DCDC2B: variants seen among roughly 807,000 people sequenced by gnomAD.
The protein encoded by DCDC2B is doublecortin domain-containing protein 2B.
Under a neutral mutation model 38.9 loss-of-function variants are expected in DCDC2B, and 41 were observed. The ratio of observed to expected loss-of-function variants is 1.05; its 90% CI spans 0.82 to 1.37. The LOEUF is 1.37. Ranked by LOEUF, DCDC2B falls within the 40% of genes most tolerant of loss-of-function variation. The pLI is 0.00. For missense variants in DCDC2B, 453 were observed against 427.2 expected (o/e 1.06, Z -0.53); for synonymous variants, 181 against 171.9 (o/e 1.05, Z -0.41).
chr1:32,211,212 T>C, intron 1 of DCDC2B, 60 bp from the exon 2 acceptor site: 1 of 1,509,016 alleles, frequency 6.6e-7, no homozygotes, highest in Non-Finnish European at 9.2e-7. Flanking sequence ...CACTGACATC[T>C]GCCAGGCTAT....
intron 1 of DCDC2B, among the ~76,000 whole-genome samples, chr1:32,210,447 G>A (rs1643537736): frequency 6.6e-6 from 1 of 151,460 alleles, no homozygotes. Flanking sequence ...GCAGTGAGCT[G>A]AGATCGCACA....
Position 32,211,772 on chromosome 1 carries a change from G to A in DCDC2B, c.330G>A (p.Val110=). Residue 110 remains valine (V), a synonymous_variant, in exon 3 of 9, where the codon GTG becomes GTA. Coordinates refer to ENST00000409358, the MANE Select transcript of DCDC2B (RefSeq NM_001099434.2). ...GACATGGGTTTCAGGGTCCTCCCGTGACTCGCCACTTGTGTGATGGGGCCA... is the reference window on the plus strand; with the variant it reads ...GACATGGGTTTCAGGGTCCTCCCGTAACTCGCCACTTGTGTGATGGGGCCA... ...GKSCRLQGPP[V]TRHLCDGAIG... is the part of the protein sequence containing the mutation. 6.2e-7 allele frequency: 1 copy of A among 1,608,750 alleles called. No individual in the cohort carries two copies. Among genetic ancestry groups the A allele is most frequent in the Non-Finnish European group, 8.5e-7 (1 of 1,177,714 alleles).
In DCDC2B at chr1:32,209,217, G is replaced by A. The variant is rs372189623; in HGVS notation, c.124G>A (p.Glu42Lys). ...CCCCACCATGGAGGCCTTCCTCTGC[G>A]AGGTGACATCAGCTGTGCAGGCCCC... Reference protein sequence around the residue: ...RFPTMEAFLCEVTSAVQAPLA... With the variant: ...RFPTMEAFLCKVTSAVQAPLA... Residue 42 changes from glutamate to lysine, a missense_variant, in exon 1 of 9, where the codon GAG becomes AAG. By Grantham distance (56) the Glu-to-Lys change is moderately conservative. Transcript: ENST00000409358. 1.5e-5 allele frequency: 24 copies of A among 1,613,876 alleles called. No individual in the cohort carries two copies. The highest frequency in any genetic ancestry group is 9.3e-5 in the African/African-American group (7 of 74,926).
At chr1:32,213,047 C>T (rs992112900) in intron 6 of DCDC2B, among the ~76,000 whole-genome samples, 1 of 152,074 alleles carries the variant, frequency 6.6e-6, no homozygotes, top group Non-Finnish European at 1.5e-5. Context: ...TGGGCACGCT[C>T]CACCATATCC....
chr1:32,209,446 A>G (rs1643490741), intron 1 of DCDC2B, 87 bp downstream of exon 1: 13 of 1,537,200 alleles, frequency 8.5e-6, no homozygotes, highest in Non-Finnish European at 9.7e-6. Context: ...ATGTACCAGC[A>G]TGTTACTGGT....
chr1:32,212,033 C>G (rs1303757638), intron 3 of DCDC2B, 37 bp from the exon 4 acceptor site: 34 of 1,601,470 alleles, frequency 2.1e-5, no homozygotes, highest in Non-Finnish European at 2.7e-5. Context: ...GTAGGGACTC[C>G]TGGGGACACT....
chr1:32,210,570 C>T (rs1643544420), intron 1 of DCDC2B, among the ~76,000 whole-genome samples: 1 of 152,044 alleles, frequency 6.6e-6, no homozygotes. Context: ...AGAATCTAGG[C>T]TTCATTCCTT....
chr1:32,211,348 C>T (rs776036715), intron 2 of DCDC2B, 25 bp downstream of exon 2: 1 of 1,613,072 alleles, frequency 6.2e-7, no homozygotes, highest in Non-Finnish European at 8.5e-7. Context: ...ACCTGTGCCC[C>T]AGCCCCTCTG....
chr1:32,211,877 T>C, intron 3 of DCDC2B, 40 bp downstream of exon 3: 1 of 1,578,474 alleles, frequency 6.3e-7, no homozygotes, highest in African/African-American at 1.3e-5. Context: ...TTGATGTTTG[T>C]TTTAGTAAGG....
intron 1 of DCDC2B, among the ~76,000 whole-genome samples, chr1:32,210,369 G>A (rs192237440): frequency 2.0e-5 from 3 of 149,004 alleles, no homozygotes; most frequent in East Asian, 3.9e-4. Context: ...CTGGTAGCAC[G>A]TGCCTATAAT....
At chr1:32,212,733 C>A (rs768991391) in intron 5 of DCDC2B, 21 bp from the exon 6 acceptor site, 6 of 1,613,884 alleles carry the variant, frequency 3.7e-6, no homozygotes, top group Non-Finnish European at 4.2e-6. Flanking sequence ...CCACTACAAG[C>A]CTTTCCTTTT....
chr1:32,213,802 G>A (rs1003287179), intron 6 of DCDC2B, among the ~76,000 whole-genome samples: 14 of 151,690 alleles, frequency 9.2e-5, no homozygotes, highest in South Asian at 2.1e-4. Flanking sequence ...GAGCCACCGC[G>A]CTCAGCCACA....
chr1:32,212,303 C>T (rs977072442), intron 4 of DCDC2B, 102 bp downstream of exon 4: 42 of 1,560,268 alleles, frequency 2.7e-5, no homozygotes, highest in Admixed American at 7.1e-5. Flanking sequence ...AGCATGTTCC[C>T]CCACATGGGA....
chr1:32,215,021 G>A (rs1161628992), intron 7 of DCDC2B, 89 bp downstream of exon 7: 3 of 1,521,958 alleles, frequency 2.0e-6, no homozygotes, highest in African/African-American at 1.4e-5. Context: ...ATGTCCATGG[G>A]AGCAGAATGC....
Position 32,209,160 on chromosome 1 carries a change from G to A in DCDC2B, c.67G>A (p.Gly23Ser). Residue 23 changes from glycine (G) to serine (S), a missense_variant, in exon 1 of 9, where the codon GGC becomes AGC. Coordinates refer to ENST00000409358, the MANE Select transcript of DCDC2B (RefSeq NM_001099434.2). ...CCGGAATGGGGACCCATTCTTCCCA[G>A]GCTCCCAGCTGGTGGTGACTCAACG... ...VYRNGDPFFP[G>S]SQLVVTQRRF... is the part of the protein sequence containing the mutation. 1 of 1,614,022 alleles carries A rather than the reference G, an allele frequency of 6.2e-7. No individual in the cohort carries two copies. Among genetic ancestry groups the A allele is most frequent in the Non-Finnish European group, 8.5e-7 (1 of 1,179,892 alleles).
In DCDC2B at chr1:32,209,362, G is replaced by C; in HGVS notation, c.266+3G>C. On this transcript the variant is annotated splice_donor_region_variant and intron_variant, in intron 1 of 8. Transcript: ENST00000409358. ...TTTGAACGATTCCACAAGCTCCAGTGAGTGGGCTGGGGCTGGTCAAACAGC... is the reference window on the plus strand; with the variant it reads ...TTTGAACGATTCCACAAGCTCCAGTCAGTGGGCTGGGGCTGGTCAAACAGC... The C allele has an allele frequency of 6.2e-7, 1 of 1,613,652 alleles. No individual in the cohort carries two copies. Among genetic ancestry groups the C allele is most frequent in the Non-Finnish European group, 8.5e-7 (1 of 1,179,672 alleles).
intron 4 of DCDC2B, 143 bp from the exon 5 acceptor site, chr1:32,212,347 C>T: frequency 6.6e-7 from 1 of 1,522,014 alleles, no homozygotes; most frequent in Non-Finnish European, 8.9e-7. Flanking sequence ...GGGCCCTCTG[C>T]CCAGCCCTCA....
In DCDC2B at chr1:32,212,101, C is replaced by T. The variant is rs1216685705; in HGVS notation, c.427C>T (p.Pro143Ser). 6.2e-7 allele frequency: 1 copy of T among 1,613,872 alleles called. No individual in the cohort carries two copies. The highest frequency in any genetic ancestry group is 1.1e-5 in the South Asian group (1 of 91,034). Reference sequence around the variant, plus strand: ...CAGGAATGGGGACCTGGTAAGTCCCCCATTTAGTCTGAAGCTGTCCCAGGC... The same window carrying T: ...CAGGAATGGGGACCTGGTAAGTCCCTCATTTAGTCTGAAGCTGTCCCAGGC... ...VFRNGDLVSP[P>S]FSLKLSQAAS... Residue 143 changes from proline to serine, a missense_variant, in exon 4 of 9, where the codon CCA becomes TCA. Pro to Ser is a moderately conservative substitution (Grantham distance 74). Coordinates refer to ENST00000409358, the MANE Select transcript of DCDC2B (RefSeq NM_001099434.2).
In DCDC2B at chr1:32,211,747, G is replaced by A. The variant is rs1412226227; in HGVS notation, c.319-14G>A. On this transcript the variant is annotated splice_polypyrimidine_tract_variant and intron_variant, in intron 2 of 8. Transcript: ENST00000409358. ...CCCAACTCTCCTGATTTGGAGGCCT[G>A]ACATGGGTTTCAGGGTCCTCCCGTG... 2 of 1,598,806 alleles carry A rather than the reference G, an allele frequency of 1.3e-6. No individual in the cohort carries two copies. The highest frequency in any genetic ancestry group is 2.7e-5 in the African/African-American group (2 of 74,642).
Sources: gnomAD v4.1 joint callset for allele counts (sites outside exome capture counted in the v4.1 genomes callset) on GRCh38, gnomAD v4.1.1 for gene constraint, MANE v1.5 for transcripts, NCBI Gene and HGNC (gene_info 2026-07-23, HGNC 2026-07-21) for gene names.